The following HSDL1 variants were observed in gnomAD, a reference collection of about 807,000 sequenced individuals.
HSDL1 encodes the protein hydroxysteroid dehydrogenase like 1.
Under a neutral mutation model 31.5 loss-of-function variants are expected in HSDL1, and 29 were observed. The ratio of observed to expected loss-of-function variants is 0.92; its 90% CI spans 0.69 to 1.26. The LOEUF is 1.26. Among genes scored for constraint, HSDL1 ranks in the 50% most tolerant of loss-of-function variants. The pLI, the probability that HSDL1 is intolerant of heterozygous loss-of-function variation, is 0.00. For synonymous variants in HSDL1, 222 were observed against 155.2 expected, an observed-to-expected ratio of 1.43 and a Z score of -3.20; for missense variants, 503 against 416.6, an observed-to-expected ratio of 1.21 and a Z score of -1.81.
intron 1 of HSDL1, 68 bp from the exon 2 acceptor site, chr16:84,135,673 C>T (rs1278127027): frequency 6.6e-6 from 1 of 152,248 alleles, no homozygotes; most frequent in Non-Finnish European, 1.5e-5. Flanking sequence ...GAAAACTTTA[C>T]ATTAAAGTAA....
chr16:84,128,226 T>G (rs899875858), intron 5 of HSDL1, among the ~76,000 whole-genome samples: 66 of 151,150 alleles, frequency 4.4e-4, no homozygotes, highest in Admixed American at 4.1e-3. Flanking sequence ...GAGGTGGAGG[T>G]TGCAGTGAGC....
chr16:84,141,773 A>T (rs1452471540), intron 1 of HSDL1, among the ~76,000 whole-genome samples: 1 of 152,098 alleles, frequency 6.6e-6, no homozygotes, highest in Non-Finnish European at 1.5e-5. Context: ...TTTTATATGT[A>T]TGTGCTTTCT....
At chr16:84,143,293 A>T (rs1567526068) in intron 1 of HSDL1, among the ~76,000 whole-genome samples, 1 of 152,264 alleles carries the variant, frequency 6.6e-6, no homozygotes, top group East Asian at 1.9e-4. Flanking sequence ...GTACTGATAC[A>T]TACTACAACA....
chr16:84,129,936 T>C (rs1243640007), intron 4 of HSDL1, 50 bp downstream of exon 4: 3 of 1,562,352 alleles, frequency 1.9e-6, no homozygotes, highest in African/African-American at 1.4e-5. Flanking sequence ...CAACTGTTAA[T>C]AAATGTTCTG....
Position 84,124,362 on chromosome 16 carries a change from G to C in HSDL1, c.*268C>G. On this transcript the variant is annotated 3_prime_UTR_variant, in exon 6 of 6. Coordinates refer to ENST00000219439, the MANE Select transcript of HSDL1 (RefSeq NM_031463.5). ...GCTGTGGCTCTAGAACAACAGAAAA[G>C]CGTAACTTTCAAACAGCTTAGGGAA... 3.5e-6 allele frequency: 1 copy of C among 281,788 alleles called. No individual in the cohort carries two copies. Among genetic ancestry groups the C allele is most frequent in the Non-Finnish European group, 6.8e-6 (1 of 146,018 alleles). The allele number at this position is 281,788 out of a possible 1,614,324, so 17.5% of individuals were successfully genotyped here.
At chr16:84,142,649 T>C (rs2086779496) in intron 1 of HSDL1, among the ~76,000 whole-genome samples, 1 of 152,044 alleles carries the variant, frequency 6.6e-6, no homozygotes, top group African/African-American at 2.4e-5. Flanking sequence ...TTTCACCATA[T>C]TGGCCAGGCT....
chr16:84,129,190 G>A (rs1413148873), intron 5 of HSDL1, among the ~76,000 whole-genome samples: 1 of 151,936 alleles, frequency 6.6e-6, no homozygotes, highest in Non-Finnish European at 1.5e-5. Flanking sequence ...GACCATCCTG[G>A]CTAACACGGT....
chr16:84,133,061 A>G (rs926215389), intron 2 of HSDL1, among the ~76,000 whole-genome samples: 3 of 151,934 alleles, frequency 2.0e-5, no homozygotes, highest in Non-Finnish European at 4.4e-5. Flanking sequence ...AAGAATGGGG[A>G]ATTCCCTCCT....
intron 1 of HSDL1, among the ~76,000 whole-genome samples, chr16:84,144,021 A>AT (rs2086803724): frequency 1.3e-5 from 2 of 150,206 alleles, no homozygotes; most frequent in East Asian, 3.9e-4. Flanking sequence ...GTCTGAATCA[A>AT]TCAATCAATC....
rs1340320403 is a variant in HSDL1, at chr16:84,130,979, G to A, written c.220+123C>T. On this transcript the variant is annotated intron_variant, in intron 3 of 5. Transcript: ENST00000219439. Reference sequence around the variant, plus strand: ...TGAAATGTGAACATAATCACGGCAGGAGCCATAAGTTTTATTTTTTTATCA... The same window carrying A: ...TGAAATGTGAACATAATCACGGCAGAAGCCATAAGTTTTATTTTTTTATCA... 1.7e-5 allele frequency: 13 copies of A among 773,590 alleles called. No individual in the cohort carries two copies. In the East Asian group the frequency reaches 3.0e-4, roughly 18 times the overall value. 47.9% of individuals were successfully genotyped at this position (773,590 alleles called of 1,614,324 possible).
intron 1 of HSDL1, 79 bp downstream of exon 1, chr16:84,145,001 G>C (rs2086833375): frequency 6.6e-6 from 1 of 152,536 alleles, no homozygotes; most frequent in South Asian, 2.1e-4. Flanking sequence ...CAAGCAGCCG[G>C]CTGGCGCTGA....
At chr16:84,134,013 T>C (rs1317723096) in intron 2 of HSDL1, among the ~76,000 whole-genome samples, 2 of 152,222 alleles carry the variant, frequency 1.3e-5, no homozygotes, top group Non-Finnish European at 2.9e-5. Flanking sequence ...CAACAAAGTC[T>C]TTCTTTTTTC....
Position 84,130,173 on chromosome 16 carries a change from T to C in HSDL1, c.479A>G (p.Gln160Arg), listed in dbSNP as rs141139056. 1.2e-6 allele frequency: 2 copies of C among 1,614,128 alleles called. No homozygotes were observed. The highest frequency in any genetic ancestry group is 8.5e-7 in the Non-Finnish European group (1 of 1,180,056). ...NNVGVFYPYP[Q>R]YFTQLSEDKL... is the part of the protein sequence containing the mutation. ...GTCCTCGGACAGCTGAGTGAAATAC[T>C]GCGGGTAGGGATAAAACACACCCAC... is the stretch of plus-strand genomic sequence containing the variant. The change falls in exon 4 of 6, where the codon CAG (glutamine) becomes CGG (arginine). Residue 160 changes from glutamine (Q) to arginine (R), a missense_variant. Transcript: ENST00000219439.
intron 5 of HSDL1, 116 bp downstream of exon 5, chr16:84,129,432 G>A (rs1406423614): frequency 1.3e-6 from 1 of 775,650 alleles, no homozygotes; most frequent in South Asian, 1.8e-5. Flanking sequence ...TTAAGTGTCA[G>A]GCTTAAGAGT....
chr16:84,127,886 T>A (rs2086624785), intron 5 of HSDL1, among the ~76,000 whole-genome samples: 1 of 150,924 alleles, frequency 6.6e-6, no homozygotes, highest in Admixed American at 6.6e-5. Flanking sequence ...GCCTAGCTAA[T>A]TTTTTTGTAT....
At chr16:84,140,958 G>C (rs1254661428) in intron 1 of HSDL1, among the ~76,000 whole-genome samples, 1 of 152,008 alleles carries the variant, frequency 6.6e-6, no homozygotes, top group Admixed American at 6.5e-5. Flanking sequence ...GGGCGCAGTG[G>C]TGGGCGCCTG....
intron 1 of HSDL1, among the ~76,000 whole-genome samples, chr16:84,137,560 G>C (rs754697045): frequency 1.3e-5 from 2 of 152,188 alleles, no homozygotes. Flanking sequence ...GGATGAAGGA[G>C]GGCCACACGG....
intron 2 of HSDL1, among the ~76,000 whole-genome samples, chr16:84,133,288 T>G (rs2086684884): frequency 1.3e-5 from 2 of 152,196 alleles, no homozygotes; most frequent in African/African-American, 2.4e-5. Flanking sequence ...GAAATATGAC[T>G]GAAAACTGAA....
At position 84,136,373 on chromosome 16, in the gene HSDL1, C is replaced by A. The variant is rs148721241; in HGVS notation, c.-68-768G>T. ...TTCTGTCTCTGACCACCCCAGCAGG[C>A]TATAGTCCTCCAGGGCAGAGGCCAG... On this transcript the variant is annotated intron_variant, in intron 1 of 5. Coordinates refer to ENST00000219439, the MANE Select transcript of HSDL1 (RefSeq NM_031463.5). 3.6e-3 allele frequency among the ~76,000 whole-genome samples: 550 copies of A among 152,388 alleles called. 4 individuals are homozygous for A. Among genetic ancestry groups the A allele is most frequent in the African/African-American group, 0.013 (538 of 41,596 alleles).
Sources: allele counts gnomAD v4.1 joint callset (sites outside exome capture counted in the v4.1 genomes callset), GRCh38; gene constraint gnomAD v4.1.1; transcripts MANE v1.5; gene names NCBI Gene and HGNC (gene_info 2026-07-23, HGNC 2026-07-21).